Variants in CALN1 observed in about 807,000 individuals in gnomAD.
CALN1 encodes calneuron 1, also known as calcium-binding protein 8.
A neutral mutation model predicts 30.6 loss-of-function variants in CALN1; 17 were observed. That is an observed-to-expected ratio of 0.56 (90% CI 0.38 to 0.83). The LOEUF (loss-of-function observed/expected upper bound fraction) is 0.83, where lower values mean the gene tolerates loss of function less well. Among genes scored for constraint, CALN1 ranks in the 40% least tolerant of loss-of-function variants. The pLI, the probability that CALN1 is intolerant of heterozygous loss-of-function variation, is 0.00. For synonymous variants in CALN1, 156 were observed against 131.4 expected (o/e 1.19, Z -1.28); for missense variants, 291 against 354.9 (o/e 0.82, Z 1.45).
chr7:72,212,691 A>G (rs1186505080), intron 3 of CALN1, among the ~76,000 whole-genome samples: 2 of 151,872 alleles, frequency 1.3e-5, no homozygotes, highest in Admixed American at 6.6e-5. Context: ...GCACACACCT[A>G]TAGTCCCAGC....
At chr7:71,848,051 G>A (rs1790423688) in intron 5 of CALN1, among the ~76,000 whole-genome samples, 1 of 152,164 alleles carries the variant, frequency 6.6e-6, no homozygotes, top group South Asian at 2.1e-4. Flanking sequence ...CCGCAATAGT[G>A]TTAGACCAAA....
chr7:72,358,224 G>C (rs993546075), intron 2 of CALN1, among the ~76,000 whole-genome samples: 7 of 151,798 alleles, frequency 4.6e-5, no homozygotes, highest in Non-Finnish European at 7.4e-5. Flanking sequence ...CAAATGCCTG[G>C]CCTCACGTGA....
At chr7:72,495,077 G>A in the CALN1 span, among the ~76,000 whole-genome samples, 2,164 of 152,210 alleles carry the variant, frequency 0.014, 53 homozygotes, top group African/African-American at 0.046. Context: ...ATGAGGGAGG[G>A]ACCCACACAA....
chr7:72,355,393 G>A (rs746015061), intron 2 of CALN1, among the ~76,000 whole-genome samples: 4 of 149,082 alleles, frequency 2.7e-5, no homozygotes, highest in Non-Finnish European at 5.9e-5. Flanking sequence ...AGGCGTGGTG[G>A]CGCACGCCTG....
intron 4 of CALN1, among the ~76,000 whole-genome samples, chr7:72,098,210 AG>A (rs1388733786): frequency 1.3e-5 from 2 of 152,206 alleles, no homozygotes; most frequent in African/African-American, 2.4e-5. Context: ...AAAGGCATCC[AG>A]GAAAGGTGAA....
chr7:72,142,121 G>C (rs1019329710), intron 3 of CALN1, among the ~76,000 whole-genome samples: 1 of 152,150 alleles, frequency 6.6e-6, no homozygotes, highest in African/African-American at 2.4e-5. Flanking sequence ...GTCAGACAGT[G>C]GGTGCAGGAC....
chr7:72,376,591 T>C (rs1804569461), intron 2 of CALN1, among the ~76,000 whole-genome samples: 1 of 152,244 alleles, frequency 6.6e-6, no homozygotes. Flanking sequence ...GCAAGTTCTT[T>C]ATATTCTCTA....
upstream of CALN1, among the ~76,000 whole-genome samples, chr7:72,412,958 C>T (rs1004781936): frequency 6.6e-6 from 1 of 152,216 alleles, no homozygotes; most frequent in African/African-American, 2.4e-5. Context: ...GCTGGTCTAG[C>T]TCCGAGAAGG....
chr7:72,446,069 G>A (rs1014632422), intron 1 of CALN1, among the ~76,000 whole-genome samples: 39 of 152,116 alleles, frequency 2.6e-4, no homozygotes, highest in African/African-American at 6.5e-4. Context: ...CCATGCCCCC[G>A]GGACCCCCAG....
chr7:72,149,477 A>C (rs953507200), intron 3 of CALN1, among the ~76,000 whole-genome samples: 1 of 152,070 alleles, frequency 6.6e-6, no homozygotes, highest in Non-Finnish European at 1.5e-5. Flanking sequence ...CAAAATAAAT[A>C]AAATTAAAAT....
intron 1 of CALN1, among the ~76,000 whole-genome samples, chr7:72,410,213 T>C (rs1179314609): frequency 1.3e-5 from 2 of 152,176 alleles, no homozygotes; most frequent in Admixed American, 6.5e-5. Context: ...CTCTTAAATA[T>C]GTAAGAGAGG....
At chr7:72,333,997 G>A (rs969964855) in intron 2 of CALN1, among the ~76,000 whole-genome samples, 2 of 152,194 alleles carry the variant, frequency 1.3e-5, no homozygotes, top group Non-Finnish European at 2.9e-5. Context: ...CCCGCACATA[G>A]GATCGAAACC....
chr7:72,018,627 T>C (rs957564982), intron 5 of CALN1, among the ~76,000 whole-genome samples: 47 of 152,208 alleles, frequency 3.1e-4, no homozygotes, highest in Non-Finnish European at 4.4e-4. Flanking sequence ...TCTCAGACCA[T>C]CCTCCCCGGA....
intron 4 of CALN1, chr7:72,104,233 T>G (rs77420503): frequency 0.019 from 2,927 of 152,590 alleles, 90 homozygotes; most frequent in African/African-American, 0.067. Context: ...GGTCTTGGGT[T>G]AGGACCTCCG....
At chr7:71,930,089 T>C (rs1584535788) in intron 5 of CALN1, among the ~76,000 whole-genome samples, 1 of 152,220 alleles carries the variant, frequency 6.6e-6, no homozygotes. Context: ...ATAGTTGTTA[T>C]ATTGTATGGT....
At chr7:72,410,466 A>C (rs1807046604) in intron 1 of CALN1, among the ~76,000 whole-genome samples, 2 of 152,222 alleles carry the variant, frequency 1.3e-5, no homozygotes, top group African/African-American at 4.8e-5. Context: ...TTTTCTCCCT[A>C]TCTCTGCCCA....
intron 5 of CALN1, among the ~76,000 whole-genome samples, chr7:71,884,492 C>G (rs1267606893): frequency 1.3e-5 from 2 of 151,604 alleles, no homozygotes; most frequent in Non-Finnish European, 2.9e-5. Flanking sequence ...ATCACTGAAC[C>G]ATGAGGTCAC....
chr7:71,939,554 T>C (rs1456542217), intron 5 of CALN1, among the ~76,000 whole-genome samples: 1 of 149,266 alleles, frequency 6.7e-6, no homozygotes, highest in South Asian at 2.1e-4. Flanking sequence ...GCCTGGGTTA[T>C]AGAGCAAGAT....
At chr7:72,340,958 T>A (rs1802353341) in intron 2 of CALN1, among the ~76,000 whole-genome samples, 1 of 152,188 alleles carries the variant, frequency 6.6e-6, no homozygotes, top group South Asian at 2.1e-4. Context: ...CCCAGCCATG[T>A]GGAACTATGA....
Sources: gnomAD v4.1 joint callset for allele counts (sites outside exome capture counted in the v4.1 genomes callset) on GRCh38, gnomAD v4.1.1 for gene constraint, MANE v1.5 for transcripts, NCBI Gene and HGNC (gene_info 2026-07-23, HGNC 2026-07-21) for gene names.